ROBO1: variants seen among roughly 807,000 people sequenced by gnomAD.
ROBO1 encodes the protein roundabout guidance receptor 1.
Under a neutral mutation model 195.9 loss-of-function variants are expected in ROBO1, and 149 were observed. The observed-to-expected ratio is 0.76, with a 90% CI of 0.67 to 0.87. The LOEUF is 0.87. ROBO1 is among the 40% of genes least tolerant of loss of function. The pLI is 0.00. For missense variants in ROBO1, 1,933 were observed against 2,068.3 expected (o/e 0.93, Z 1.27); for synonymous variants, 816 against 733.2 (o/e 1.11, Z -1.82).
intron 3 of ROBO1, among the ~76,000 whole-genome samples, chr3:78,990,870 C>G (rs181720371): frequency 6.6e-6 from 1 of 152,120 alleles, no homozygotes; most frequent in East Asian, 1.9e-4. Flanking sequence ...ATAAATGAAA[C>G]TTAGCAAGCA....
rs183472950 is a variant in ROBO1, at chr3:79,602,594, T to C, written c.-50-12633A>G. ...TACACAGCTGGGCTGGTGAGAAGGC[T>C]ACTGCAAAAGACTTGGTAATTCATT... On this transcript the variant is annotated intron_variant, in intron 1 of 30. Coordinates refer to ENST00000464233, the MANE Select transcript of ROBO1 (RefSeq NM_002941.4). Among the ~76,000 whole-genome samples the C allele has an allele frequency of 2.2e-3, 338 of 152,148 alleles. 1 individual carries two copies. Among genetic ancestry groups the C allele is most frequent in the Non-Finnish European group, 3.5e-3 (237 of 67,934 alleles).
intron 30 of ROBO1, 52 bp downstream of exon 30, chr3:78,600,061 A>G: frequency 1.4e-6 from 2 of 1,464,146 alleles, no homozygotes; most frequent in Non-Finnish European, 1.9e-6. Context: ...TCCTAACTAC[A>G]TAAAACAACC....
intron 29 of ROBO1, among the ~76,000 whole-genome samples, chr3:78,601,210 A>G (rs1703149429): frequency 6.6e-6 from 1 of 152,086 alleles, no homozygotes; most frequent in African/African-American, 2.4e-5. Context: ...GTGAAGCCTG[A>G]TTTCCCTTGA....
At chr3:78,614,991 C>T (rs1002683516) in intron 27 of ROBO1, among the ~76,000 whole-genome samples, 191 bp from the exon 28 acceptor site, 1 of 152,040 alleles carries the variant, frequency 6.6e-6, no homozygotes, top group African/African-American at 2.4e-5. Context: ...GGAAAAAATA[C>T]CCCAAAAGCA....
At chr3:79,652,684 T>C (rs900307188) in intron 1 of ROBO1, among the ~76,000 whole-genome samples, 2 of 152,054 alleles carry the variant, frequency 1.3e-5, no homozygotes, top group African/African-American at 4.8e-5. Context: ...GTGATATTAA[T>C]AGTAGTGGTG....
rs553669475 is a variant in ROBO1 at position 79,547,133 on chromosome 3, C to G, written c.88+42691G>C. Reference sequence around the variant, plus strand: ...CCGGGAGGTGGAGCTTGCAGTGAGCCGAGATCGTGCCACTGCACTCCAGCC... The same window carrying G: ...CCGGGAGGTGGAGCTTGCAGTGAGCGGAGATCGTGCCACTGCACTCCAGCC... On this transcript the variant is annotated intron_variant, in intron 2 of 30. Coordinates refer to ENST00000464233, the MANE Select transcript of ROBO1 (RefSeq NM_002941.4). Among the ~76,000 whole-genome samples, 16 of 126,084 alleles carry G rather than the reference C, an allele frequency of 1.3e-4. No individual in the cohort carries two copies. In the East Asian group the frequency reaches 3.4e-3, roughly 27 times the overall value. 82.7% of individuals were successfully genotyped at this position (126,084 alleles called of 152,430 possible).
intron 4 of ROBO1, among the ~76,000 whole-genome samples, chr3:78,796,219 CATTATT>C (rs1209213196): frequency 8.0e-5 from 1 of 12,560 alleles, no homozygotes; most frequent in African/African-American, 3.6e-4. Context: ...ATGTGTTGGC[CATTATT>C]ATTATTTCTC....
chr3:79,535,045 C>T (rs1941803274), intron 2 of ROBO1, among the ~76,000 whole-genome samples: 1 of 150,512 alleles, frequency 6.6e-6, no homozygotes, highest in Non-Finnish European at 1.5e-5. Flanking sequence ...TCCTAGAAAA[C>T]AATTTGTAGG....
intron 4 of ROBO1, among the ~76,000 whole-genome samples, chr3:78,747,390 TA>T: frequency 6.6e-6 from 1 of 152,210 alleles, no homozygotes; most frequent in Middle Eastern, 3.4e-3. Flanking sequence ...TATAAATATA[TA>T]AAATTAATGT....
intron 2 of ROBO1, among the ~76,000 whole-genome samples, chr3:79,355,270 TGTTA>T (rs1434657579): frequency 6.6e-6 from 1 of 152,140 alleles, no homozygotes; most frequent in African/African-American, 2.4e-5. Flanking sequence ...ATTTTATTTT[TGTTA>T]TTTTTATTTA....
intron 3 of ROBO1, among the ~76,000 whole-genome samples, chr3:78,981,080 G>C (rs893351873): frequency 6.6e-6 from 1 of 152,092 alleles, no homozygotes; most frequent in Admixed American, 6.6e-5. Context: ...TTATAGAAAT[G>C]AGAAAACTGG....
intron 4 of ROBO1, among the ~76,000 whole-genome samples, chr3:78,757,840 G>T (rs1404545319): frequency 6.6e-6 from 1 of 152,210 alleles, no homozygotes; most frequent in Non-Finnish European, 1.5e-5. Flanking sequence ...ATTGGTGACA[G>T]TCTGCCCTAA....
At chr3:78,626,154 T>G (rs181261092) in intron 26 of ROBO1, among the ~76,000 whole-genome samples, 4 of 152,202 alleles carry the variant, frequency 2.6e-5, no homozygotes, top group Admixed American at 6.5e-5. Flanking sequence ...AAAACAATGC[T>G]TAGATATTTC....
At chr3:79,226,386 A>C (rs1247334119) in intron 2 of ROBO1, among the ~76,000 whole-genome samples, 1 of 151,822 alleles carries the variant, frequency 6.6e-6, no homozygotes, top group Non-Finnish European at 1.5e-5. Flanking sequence ...ATCCTCTGCA[A>C]CTCCTCTTAA....
At chr3:79,633,231 C>T (rs1207302595) in intron 1 of ROBO1, among the ~76,000 whole-genome samples, 2 of 148,496 alleles carry the variant, frequency 1.3e-5, no homozygotes, top group Non-Finnish European at 3.0e-5. Context: ...GGCTGGAGTG[C>T]AGTACATGAT....
At chr3:78,758,130 C>A (rs748302514) in intron 4 of ROBO1, among the ~76,000 whole-genome samples, 10 of 152,196 alleles carry the variant, frequency 6.6e-5, no homozygotes, top group Non-Finnish European at 1.0e-4. Flanking sequence ...ACAACTCTGA[C>A]TTAAGGTACT....
intron 4 of ROBO1, among the ~76,000 whole-genome samples, chr3:78,764,576 C>T (rs949171434): frequency 6.6e-6 from 1 of 152,030 alleles, no homozygotes; most frequent in Non-Finnish European, 1.5e-5. Context: ...TATAGTTTTC[C>T]CATTAGACCA....
intron 1 of ROBO1, among the ~76,000 whole-genome samples, chr3:79,690,681 C>T (rs1947273132): frequency 6.6e-6 from 1 of 151,884 alleles, no homozygotes. Flanking sequence ...CCTGTAATCC[C>T]ACATTTCCCA....
intron 2 of ROBO1, among the ~76,000 whole-genome samples, chr3:79,372,500 C>A (rs1053931334): frequency 6.6e-6 from 1 of 152,064 alleles, no homozygotes; most frequent in Admixed American, 6.6e-5. Context: ...TGAGCCACTG[C>A]GCCTGGCCTC....
Sources: gnomAD v4.1 joint callset for allele counts (sites outside exome capture counted in the v4.1 genomes callset) on GRCh38, gnomAD v4.1.1 for gene constraint, MANE v1.5 for transcripts, NCBI Gene and HGNC (gene_info 2026-07-23, HGNC 2026-07-21) for gene names.